Variants in GABRA2 observed in about 807,000 individuals in gnomAD.
GABRA2 encodes the protein gamma-aminobutyric acid type A receptor subunit alpha2.
A neutral mutation model predicts 48.7 loss-of-function variants in GABRA2; 16 were observed. That is an observed-to-expected ratio of 0.33 (90% CI 0.22 to 0.50). GABRA2 has a LOEUF of 0.50. Ranked by LOEUF, GABRA2 falls within the 20% of genes least tolerant of loss-of-function variation. The probability of loss-of-function intolerance (pLI) is 0.98; values close to 1 mark genes in which losing one functional copy is unlikely to be tolerated. For synonymous variants in GABRA2, 185 were observed against 184.5 expected (o/e 1.00, Z -0.02); for missense variants, 275 against 535.6 (o/e 0.51, Z 4.80).
intron 8 of GABRA2, among the ~76,000 whole-genome samples, chr4:46,275,565 C>A: frequency 6.6e-6 from 1 of 152,114 alleles, no homozygotes; most frequent in East Asian, 1.9e-4. Context: ...ATTCCAATTT[C>A]ATGAGTTTAA....
At chr4:46,319,396 A>G (rs2109740289) in intron 4 of GABRA2, among the ~76,000 whole-genome samples, 1 of 151,888 alleles carries the variant, frequency 6.6e-6, no homozygotes, top group South Asian at 2.1e-4. Context: ...AGTAAATTCC[A>G]ATCAGTGTGT....
At chr4:46,326,292 T>C (rs1730357887) in intron 4 of GABRA2, among the ~76,000 whole-genome samples, 1 of 151,908 alleles carries the variant, frequency 6.6e-6, no homozygotes, top group Non-Finnish European at 1.5e-5. Context: ...AAATTACTTC[T>C]ACCTGCACCC....
intron 3 of GABRA2, among the ~76,000 whole-genome samples, chr4:46,348,865 T>C (rs1258425135): frequency 2.0e-5 from 3 of 151,664 alleles, no homozygotes; most frequent in Non-Finnish European, 4.4e-5. Context: ...ACATGGCACA[T>C]GTATACATAT....
At chr4:46,387,688 C>A (rs1484659775) in intron 2 of GABRA2, among the ~76,000 whole-genome samples, 2 of 151,884 alleles carry the variant, frequency 1.3e-5, no homozygotes, top group Non-Finnish European at 2.9e-5. Context: ...AGATATTTTC[C>A]AAATGAAAGC....
Position 46,250,402 on chromosome 4 carries a change from G to C in GABRA2, c.1262C>G (p.Ser421Cys). ...AAACAAAACTGGAAAAACTATTCTG[G>C]ACATTCTGTCAATTTTGCTAACACT... ...FNSVSKIDRM[S>C]RIVFPVLFGT... The change falls in exon 10 of 10, where the codon TCC becomes TGC. Residue 421 changes from serine (S) to cysteine (C), a missense_variant. By Grantham distance (112) the Ser-to-Cys change is moderately radical. Transcript: ENST00000381620. 1 of 1,611,570 alleles carries C rather than the reference G, an allele frequency of 6.2e-7. No individual in the cohort carries two copies. Among genetic ancestry groups the C allele is most frequent in the Non-Finnish European group, 8.5e-7 (1 of 1,178,404 alleles).
chr4:46,314,184 C>T (rs1387801751), intron 4 of GABRA2, among the ~76,000 whole-genome samples: 2 of 152,104 alleles, frequency 1.3e-5, no homozygotes, highest in African/African-American at 4.8e-5. Context: ...CTTTGCACTG[C>T]AAGTTTCACG....
Position 46,271,883 on chromosome 4 carries a change from G to C in GABRA2, c.857-9755C>G, listed in dbSNP as rs555270008. 8.6e-5 allele frequency among the ~76,000 whole-genome samples: 13 copies of C among 151,912 alleles called. No individual in the cohort carries two copies. In the South Asian group the frequency reaches 2.5e-3, roughly 29 times the overall value. ...ATTGGCATCAATGTGAAGCTGCAGA[G>C]ATATAAAAATTTTGTCAGTCTAGGG... is the stretch of plus-strand genomic sequence containing the variant. On this transcript the variant is annotated intron_variant, in intron 8 of 9. Transcript: ENST00000381620.
intron 3 of GABRA2, among the ~76,000 whole-genome samples, chr4:46,377,697 T>C (rs1716029803): frequency 7.3e-6 from 1 of 136,196 alleles, no homozygotes; most frequent in African/African-American, 2.8e-5. Flanking sequence ...GGAGCCCCTC[T>C]GCCCGGCCAG....
chr4:46,272,858 T>C (rs975212642), intron 8 of GABRA2, among the ~76,000 whole-genome samples: 2 of 152,088 alleles, frequency 1.3e-5, no homozygotes, highest in African/African-American at 4.8e-5. Context: ...CCTGTTTGAT[T>C]ATGCTAAGGT....
intron 4 of GABRA2, among the ~76,000 whole-genome samples, chr4:46,329,042 C>T (rs1730886203): frequency 6.6e-6 from 1 of 152,038 alleles, no homozygotes; most frequent in African/African-American, 2.4e-5. Flanking sequence ...AGTTATTCAA[C>T]TTTAATTTTT....
rs758294522 is a variant in GABRA2 at position 46,346,078 on chromosome 4, C to G, written c.188-13396G>C. On this transcript the variant is annotated intron_variant, in intron 3 of 9. Coordinates refer to ENST00000381620, the MANE Select transcript of GABRA2 (RefSeq NM_000807.4). ...GCTGTGCTTTGCCTTACACTCTCAG[C>G]AACAACAAAGACATTTCGCTTTCTG... 2.3e-4 allele frequency among the ~76,000 whole-genome samples: 35 copies of G among 152,036 alleles called. 2 individuals are homozygous for G. Among genetic ancestry groups the G allele is most frequent in the South Asian group, 2.3e-3 (11 of 4,822 alleles).
intron 3 of GABRA2, among the ~76,000 whole-genome samples, chr4:46,348,820 A>C (rs1289935811): frequency 6.6e-6 from 1 of 151,366 alleles, no homozygotes; most frequent in Non-Finnish European, 1.5e-5. Context: ...GATATACCTA[A>C]TGCTGAATGA....
chr4:46,352,630 A>G (rs922767889), intron 3 of GABRA2, among the ~76,000 whole-genome samples: 1 of 152,072 alleles, frequency 6.6e-6, no homozygotes, highest in South Asian at 2.1e-4. Flanking sequence ...TTCTGCCCAC[A>G]TAAGAGAAAT....
chr4:46,289,621 A>T (rs1286628193), intron 8 of GABRA2, among the ~76,000 whole-genome samples: 3 of 152,308 alleles, frequency 2.0e-5, no homozygotes, highest in East Asian at 3.9e-4. Context: ...TGCCTGGGTA[A>T]TGAAATAATC....
chr4:46,300,443 T>C (rs937887878), intron 8 of GABRA2, among the ~76,000 whole-genome samples: 1 of 151,988 alleles, frequency 6.6e-6, no homozygotes, highest in Non-Finnish European at 1.5e-5. Flanking sequence ...TTTTTAAAGA[T>C]TCTGTCCTCT....
intron 3 of GABRA2, among the ~76,000 whole-genome samples, chr4:46,379,620 A>C (rs1315849906): frequency 6.6e-6 from 1 of 152,162 alleles, no homozygotes; most frequent in African/African-American, 2.4e-5. Context: ...CGGAAGGCTT[A>C]TTCTGAAGGT....
chr4:46,280,960 A>G (rs1258816818), intron 8 of GABRA2, among the ~76,000 whole-genome samples: 1 of 152,162 alleles, frequency 6.6e-6, no homozygotes, highest in Admixed American at 6.5e-5. Context: ...CTCACCAGAA[A>G]CTGATCTTGC....
intron 9 of GABRA2, among the ~76,000 whole-genome samples, chr4:46,260,159 C>G (rs1302675923): frequency 6.6e-6 from 1 of 151,772 alleles, no homozygotes; most frequent in Non-Finnish European, 1.5e-5. Context: ...CTGCTAAGGA[C>G]CAGGCACTGT....
chr4:46,305,492 A>G, intron 7 of GABRA2, 76 bp downstream of exon 7: 1 of 1,363,088 alleles, frequency 7.3e-7, no homozygotes, highest in South Asian at 1.3e-5. Context: ...ATTTTAAGCA[A>G]TCTGACACAC....
Sources: gnomAD v4.1 joint callset for allele counts (sites outside exome capture counted in the v4.1 genomes callset) on GRCh38, gnomAD v4.1.1 for gene constraint, MANE v1.5 for transcripts, NCBI Gene and HGNC (gene_info 2026-07-23, HGNC 2026-07-21) for gene names.